The following HMCN2 variants were observed in gnomAD, a reference collection of about 807,000 sequenced individuals.
HMCN2 encodes the protein hemicentin 2, also known as hemicentin-2.
In HMCN2, 325 loss-of-function variants were observed where a neutral mutation model predicts 377.5. The observed-to-expected ratio is 0.86, with a 90% confidence interval of 0.79 to 0.94. The LOEUF (loss-of-function observed/expected upper bound fraction) is 0.94, where lower values mean the gene tolerates loss of function less well. Among genes scored for constraint, HMCN2 ranks in the 40% least tolerant of loss-of-function variants. HMCN2 has a pLI of 0.00. For missense variants in HMCN2, 4,543 were observed against 4,725.3 expected (o/e 0.96, Z 1.13); for synonymous variants, 2,007 against 2,046.8 (o/e 0.98, Z 0.53).
At chr9:130,314,004 T>C (rs1328063997) in intron 15 of HMCN2, among the ~76,000 whole-genome samples, 1 of 152,098 alleles carries the variant, frequency 6.6e-6, no homozygotes, top group African/African-American at 2.4e-5. Flanking sequence ...GGTCTCGAAC[T>C]CCCGACCTCA....
chr9:130,385,879 T>C, intron 60 of HMCN2, 117 bp downstream of exon 60: 1 of 623,358 alleles, frequency 1.6e-6, no homozygotes, highest in Non-Finnish European at 2.5e-6. Flanking sequence ...CCTTGGCCTG[T>C]CAGACCCCAA....
At chr9:130,293,816 G>A (rs1185059743) in intron 4 of HMCN2, among the ~76,000 whole-genome samples, 2 of 152,222 alleles carry the variant, frequency 1.3e-5, no homozygotes, top group African/African-American at 4.8e-5. Context: ...TCCAATAAAT[G>A]TGAATGACTG....
chr9:130,335,400 G>T (rs1838692802), intron 22 of HMCN2, among the ~76,000 whole-genome samples: 1 of 152,120 alleles, frequency 6.6e-6, no homozygotes, highest in African/African-American at 2.4e-5. Flanking sequence ...AGCTACGCAG[G>T]GGAAATGTTT....
chr9:130,363,619 C>A (rs1306788175), intron 40 of HMCN2, among the ~76,000 whole-genome samples: 1 of 151,838 alleles, frequency 6.6e-6, no homozygotes, highest in Non-Finnish European at 1.5e-5. Context: ...GTCAGGAGTT[C>A]GAGACCAGCC....
Position 130,422,565 on chromosome 9 carries a change from C to T in HMCN2, c.13232-12C>T. 1.5e-6 allele frequency: 2 copies of T among 1,316,054 alleles called. No homozygotes were observed. The highest frequency in any genetic ancestry group is 1.9e-6 in the Non-Finnish European group (2 of 1,026,028). 81.5% of individuals were successfully genotyped at this position (1,316,054 alleles called of 1,614,324 possible). ...TAGTCAGTGGCACTGTCATTCTTTC[C>T]CTTCCTTACAGGGGAGCCCCAGGGG... On this transcript the variant is annotated splice_polypyrimidine_tract_variant and intron_variant, in intron 86 of 97. Coordinates refer to ENST00000683500, the MANE Select transcript of HMCN2 (RefSeq NM_001291815.2). This position sits in a 1 kb window ranked among gnomAD's most constrained non-coding sequence, Gnocchi z 4.2.
intron 96 of HMCN2, 32 bp downstream of exon 96, chr9:130,431,518 C>T (rs1389579955): frequency 1.3e-6 from 2 of 1,543,728 alleles, no homozygotes. Context: ...GCCCAAACAC[C>T]CGTGGGGCTA....
At chr9:130,293,284 T>TTTTTTTTTTTTTTTTTTTTTA (rs1835907068) in intron 4 of HMCN2, among the ~76,000 whole-genome samples, 1 of 139,132 alleles carries the variant, frequency 7.2e-6, no homozygotes, top group African/African-American at 2.8e-5. Flanking sequence ...CTAAAGTTTT[T>TTTTTTTTTTTTTTTTTTTTTA]TTTTTTTTTT....
chr9:130,300,434 C>A (rs1554933964), intron 8 of HMCN2, among the ~76,000 whole-genome samples: 1 of 152,246 alleles, frequency 6.6e-6, no homozygotes, highest in Non-Finnish European at 1.5e-5. Flanking sequence ...ATCCGAGTCA[C>A]CATTTGGACA....
chr9:130,368,860 C>T (rs886398975), intron 44 of HMCN2, among the ~76,000 whole-genome samples: 1 of 152,148 alleles, frequency 6.6e-6, no homozygotes, highest in African/African-American at 2.4e-5. Flanking sequence ...CCAGATGATC[C>T]AATCACCTCC....
chr9:130,431,357 C>A lies in HMCN2; in HGVS notation c.14648-10C>A. 4.5e-6 allele frequency: 7 copies of A among 1,548,218 alleles called. No homozygotes were observed. The highest frequency in any genetic ancestry group is 5.2e-6 in the Non-Finnish European group (6 of 1,145,828). Reference sequence around the variant, plus strand: ...ATCCCCCACCTGCCCCACCCCCATGCCCGGGCCAGACCTTGACGAGTGCCG... The same window carrying A: ...ATCCCCCACCTGCCCCACCCCCATGACCGGGCCAGACCTTGACGAGTGCCG... On this transcript the variant is annotated splice_polypyrimidine_tract_variant and intron_variant, in intron 95 of 97. Coordinates refer to ENST00000683500, the MANE Select transcript of HMCN2 (RefSeq NM_001291815.2).
intron 94 of HMCN2, 138 bp from the exon 95 acceptor site, chr9:130,430,146 A>G (rs1472371602): frequency 4.2e-6 from 3 of 716,994 alleles, no homozygotes; most frequent in Non-Finnish European, 6.8e-6. Context: ...AGGGGGATGC[A>G]GCGTGGCTCA....
chr9:130,331,903 T>A (rs2131439283), intron 22 of HMCN2, among the ~76,000 whole-genome samples: 1 of 152,246 alleles, frequency 6.6e-6, no homozygotes, highest in East Asian at 1.9e-4. Context: ...TGCGTTTCTA[T>A]CTCGTTCTTC....
chr9:130,378,669 A>G (rs1841532875), intron 53 of HMCN2, among the ~76,000 whole-genome samples: 1 of 152,064 alleles, frequency 6.6e-6, no homozygotes. Context: ...AGGTTTTGCT[A>G]CACAATGCCC....
rs1194865419 is a variant in HMCN2 at position 130,430,280 on chromosome 9, G to A, written c.14327-4G>A. The A allele has an allele frequency of 2.4e-5, 37 of 1,534,278 alleles. No homozygotes were observed. The highest frequency in any genetic ancestry group is 3.2e-5 in the Non-Finnish European group (37 of 1,143,862). ...TGCACACACCTGACCCCACCCGTCT[G>A]CAGATGTCAATGAGTGCCTGCAGCT... On this transcript the variant is annotated splice_polypyrimidine_tract_variant and splice_region_variant and intron_variant, in intron 94 of 97. Coordinates refer to ENST00000683500, the MANE Select transcript of HMCN2 (RefSeq NM_001291815.2).
chr9:130,377,667 C>T lies in HMCN2; in HGVS notation c.8080C>T (p.Arg2694Trp), dbSNP rs563046148. 156 of 985,828 alleles carry T rather than the reference C, an allele frequency of 1.6e-4. No individual in the cohort carries two copies. The highest frequency in any genetic ancestry group is 1.8e-4 in the Non-Finnish European group (150 of 829,974). 61.1% of individuals were successfully genotyped at this position (985,828 alleles called of 1,614,324 possible). ...KDGQPVTPSSRLQVLGEGRLL... is the reference protein window; with the variant it reads ...KDGQPVTPSSWLQVLGEGRLL... ...CTCACAGCCCGTGACCCCCAGCTCGCGGCTGCAGGTCCTGGGTGAAGGGCG... is the reference window on the plus strand; with the variant it reads ...CTCACAGCCCGTGACCCCCAGCTCGTGGCTGCAGGTCCTGGGTGAAGGGCG... The change falls in exon 53 of 98, where the codon CGG (arginine) becomes TGG (tryptophan). Residue 2694 changes from arginine to tryptophan, a missense_variant. By Grantham distance (101) the Arg-to-Trp change is moderately radical. This residue lies in a region of HMCN2 where 736 missense variants were observed against 773.2 expected (regional missense o/e 0.95). Transcript: ENST00000683500.
At chr9:130,352,812 G>C in intron 30 of HMCN2, 115 bp from the exon 31 acceptor site, 2 of 841,772 alleles carry the variant, frequency 2.4e-6, no homozygotes, top group South Asian at 1.9e-5. Flanking sequence ...CCCTGCCCCC[G>C]CAATGGAAGC....
intron 8 of HMCN2, among the ~76,000 whole-genome samples, chr9:130,301,611 G>A (rs904872365): frequency 2.6e-5 from 4 of 152,330 alleles, no homozygotes; most frequent in Non-Finnish European, 4.4e-5. Flanking sequence ...GCACACAGCC[G>A]AGGACGTGGC....
chr9:130,396,913 C>T (rs575208584), intron 73 of HMCN2, among the ~76,000 whole-genome samples: 2 of 152,272 alleles, frequency 1.3e-5, no homozygotes, highest in East Asian at 1.9e-4. Context: ...GAGGTCAAGC[C>T]CAGGAGGGTG....
chr9:130,429,551 TC>T lies in HMCN2; in HGVS notation c.14198-3del. On this transcript the variant is annotated splice_polypyrimidine_tract_variant and splice_region_variant and intron_variant, in intron 93 of 97. Transcript: ENST00000683500. ...CCCCACCACCGACCATGCCCCTGCC[TC>T]CCAGATGTGGACGAATGCCTGGAGG... 1 of 1,550,380 alleles carries T rather than the reference TC, an allele frequency of 6.5e-7. No individual in the cohort carries two copies. Among genetic ancestry groups the T allele is most frequent in the Non-Finnish European group, 8.7e-7 (1 of 1,146,854 alleles).
Sources: gnomAD v4.1 joint callset for allele counts (sites outside exome capture counted in the v4.1 genomes callset) on GRCh38, gnomAD v4.1.1 for gene constraint, gnomAD v4.1.1 regional missense constraint, Gnocchi (gnomAD v3.1) non-coding constraint, MANE v1.5 for transcripts, NCBI Gene and HGNC (gene_info 2026-07-23, HGNC 2026-07-21) for gene names.